The following DIPK1A variants were observed in gnomAD, a reference collection of about 807,000 sequenced individuals.
DIPK1A encodes the protein divergent protein kinase domain 1A.
Under a neutral mutation model 40.8 loss-of-function variants are expected in DIPK1A, and 27 were observed. The ratio of observed to expected loss-of-function variants is 0.66; its 90% CI spans 0.49 to 0.91. The LOEUF (loss-of-function observed/expected upper bound fraction) is 0.91. DIPK1A is among the 40% of genes least tolerant of loss of function. The probability of loss-of-function intolerance (pLI) is 0.00; values close to 1 mark genes in which losing one functional copy is unlikely to be tolerated. For synonymous variants in DIPK1A, 166 were observed against 171.3 expected (o/e 0.97, Z 0.24); for missense variants, 412 against 505.7 (o/e 0.81, Z 1.78).
chr1:92,941,132 A>T (rs1465324318), intron 1 of DIPK1A, among the ~76,000 whole-genome samples: 1 of 152,214 alleles, frequency 6.6e-6, no homozygotes, highest in East Asian at 1.9e-4. Context: ...GATCAAATTT[A>T]TCAATTTTTC....
At chr1:92,900,897 C>T (rs1382583041) in intron 1 of DIPK1A, among the ~76,000 whole-genome samples, 5 of 151,108 alleles carry the variant, frequency 3.3e-5, no homozygotes, top group Non-Finnish European at 7.4e-5. Context: ...TTTTTTATGT[C>T]CATGTGTTGA....
chr1:92,959,283 T>G (rs909794527), intron 1 of DIPK1A, among the ~76,000 whole-genome samples: 4 of 151,818 alleles, frequency 2.6e-5, no homozygotes, highest in South Asian at 2.1e-4. Flanking sequence ...GAGACCCGTC[T>G]CTAAATAAAT....
intron 1 of DIPK1A, among the ~76,000 whole-genome samples, chr1:92,888,207 C>T (rs1249769605): frequency 1.3e-5 from 2 of 152,058 alleles, no homozygotes; most frequent in African/African-American, 4.8e-5. Context: ...CCCTTCCCCA[C>T]CTCTAGTAAC....
At chr1:92,837,286 G>T, downstream of DIPK1A, 1 of 778,738 alleles carries the variant, frequency 1.3e-6, no homozygotes, top group Non-Finnish European at 2.4e-6. Context: ...TCAGAGATGA[G>T]CTGCTGAATG....
At chr1:92,845,590 G>T (rs889733715) in intron 4 of DIPK1A, 9 of 286,132 alleles carry the variant, frequency 3.1e-5, no homozygotes, top group African/African-American at 1.9e-4. Flanking sequence ...TGTAATCCCA[G>T]CGCTTTGGGA....
intron 1 of DIPK1A, among the ~76,000 whole-genome samples, chr1:92,945,920 T>G (rs2100900303): frequency 6.6e-6 from 1 of 152,370 alleles, no homozygotes; most frequent in Admixed American, 6.5e-5. Context: ...ATCATAATTC[T>G]GTTACTTCAT....
intron 1 of DIPK1A, among the ~76,000 whole-genome samples, chr1:92,956,665 CA>C (rs1213919867): frequency 6.6e-6 from 1 of 152,194 alleles, no homozygotes; most frequent in Non-Finnish European, 1.5e-5. Context: ...CACTAAATCT[CA>C]CAAAATATCC....
chr1:92,859,296 G>A (rs1688091370), intron 2 of DIPK1A, among the ~76,000 whole-genome samples: 1 of 151,908 alleles, frequency 6.6e-6, no homozygotes, highest in African/African-American at 2.4e-5. Flanking sequence ...ACCCTCTCCC[G>A]TTCCCCGTAT....
intron 1 of DIPK1A, among the ~76,000 whole-genome samples, chr1:92,923,945 C>T (rs1042439148): frequency 2.0e-5 from 3 of 152,158 alleles, no homozygotes; most frequent in African/African-American, 7.2e-5. Flanking sequence ...AGACTCTTTT[C>T]GTTATTAGTC....
intron 1 of DIPK1A, among the ~76,000 whole-genome samples, chr1:92,905,469 A>G (rs1288733667): frequency 6.6e-6 from 1 of 152,144 alleles, no homozygotes; most frequent in Non-Finnish European, 1.5e-5. Flanking sequence ...CCATTTTAAA[A>G]TCAGATTATT....
chr1:92,877,033 G>A (rs1300213669), intron 1 of DIPK1A: 5 of 985,012 alleles, frequency 5.1e-6, no homozygotes, highest in South Asian at 4.7e-5. Flanking sequence ...CTGAGGAGAC[G>A]CTAACAATTG....
Position 92,843,155 on chromosome 1 carries a change from G to C in DIPK1A, c.*228C>G, listed in dbSNP as rs556177828. 2.4e-6 allele frequency: 3 copies of C among 1,260,130 alleles called. No homozygotes were observed. The highest frequency in any genetic ancestry group is 3.0e-6 in the Non-Finnish European group (3 of 997,540). 78.1% of individuals were successfully genotyped at this position (1,260,130 alleles called of 1,614,324 possible). On this transcript the variant is annotated 3_prime_UTR_variant, in exon 5 of 5. Coordinates refer to ENST00000370310, the MANE Select transcript of DIPK1A (RefSeq NM_001006605.5). ...CAGTCAAAATAGTTACACAATGAATGTACTTCGGAGATGTAACAGGGCTTC... is the reference window on the plus strand; with the variant it reads ...CAGTCAAAATAGTTACACAATGAATCTACTTCGGAGATGTAACAGGGCTTC...
intron 2 of DIPK1A, among the ~76,000 whole-genome samples, chr1:92,859,095 C>G (rs1360717492): frequency 6.6e-6 from 1 of 152,134 alleles, no homozygotes; most frequent in East Asian, 1.9e-4. Context: ...TGAATAATTT[C>G]ATCAACTATG....
At chr1:92,858,498 TA>T (rs1404242504) in intron 2 of DIPK1A, among the ~76,000 whole-genome samples, 4 of 152,202 alleles carry the variant, frequency 2.6e-5, no homozygotes, top group Admixed American at 2.6e-4. Flanking sequence ...GTTTATTAAA[TA>T]ACCAACATAA....
At chr1:92,939,543 T>C (rs1007477278) in intron 1 of DIPK1A, among the ~76,000 whole-genome samples, 1 of 152,206 alleles carries the variant, frequency 6.6e-6, no homozygotes, top group Non-Finnish European at 1.5e-5. Flanking sequence ...CTTCTATTTG[T>C]AGACTTCAAA....
intron 1 of DIPK1A, among the ~76,000 whole-genome samples, chr1:92,915,685 T>G (rs1650026506): frequency 6.6e-6 from 1 of 152,196 alleles, no homozygotes. Context: ...TGTAAAATAG[T>G]GCAGCTACCT....
At chr1:92,915,259 T>C (rs1226197198) in intron 1 of DIPK1A, among the ~76,000 whole-genome samples, 2 of 152,058 alleles carry the variant, frequency 1.3e-5, no homozygotes, top group Non-Finnish European at 2.9e-5. Flanking sequence ...TACCACACAA[T>C]TCAGGACTAA....
intron 1 of DIPK1A, among the ~76,000 whole-genome samples, chr1:92,911,168 C>A (rs1224069486): frequency 6.6e-6 from 1 of 152,136 alleles, no homozygotes; most frequent in Non-Finnish European, 1.5e-5. Context: ...AATGTTAAAA[C>A]CTAATGTCCA....
At chr1:92,957,359 C>A (rs1200309019) in intron 1 of DIPK1A, among the ~76,000 whole-genome samples, 1 of 152,224 alleles carries the variant, frequency 6.6e-6, no homozygotes, top group East Asian at 1.9e-4. Flanking sequence ...ATCTCAGAGG[C>A]AGGATTCTAC....
Sources: gnomAD v4.1 joint callset for allele counts (sites outside exome capture counted in the v4.1 genomes callset) on GRCh38, gnomAD v4.1.1 for gene constraint, MANE v1.5 for transcripts, NCBI Gene and HGNC (gene_info 2026-07-23, HGNC 2026-07-21) for gene names.